The following UBA6 variants were observed in gnomAD, a reference collection of about 807,000 sequenced individuals.
UBA6 encodes the protein ubiquitin like modifier activating enzyme 6.
In UBA6, 87 loss-of-function variants were observed where a neutral mutation model predicts 148.3. The ratio of observed to expected loss-of-function variants is 0.59; its 90% CI spans 0.49 to 0.70. UBA6 has a LOEUF of 0.70. Ranked by LOEUF, UBA6 falls within the 30% of genes least tolerant of loss-of-function variation. The probability of loss-of-function intolerance (pLI) is 0.00; values close to 1 mark genes in which losing one functional copy is unlikely to be tolerated. For missense variants in UBA6, 1,186 were observed against 1,241.2 expected (o/e 0.96, Z 0.67); for synonymous variants, 376 against 401.0 (o/e 0.94, Z 0.75).
rs1033998100 is a variant in UBA6 at position 67,613,570 on chromosome 4, T to C, written c.*5427A>G. ...TAACCAAGATACTCTAAAAGAACAATAAGTTGGGAGGATTTGTTTGGCCAG... is the reference window on the plus strand; with the variant it reads ...TAACCAAGATACTCTAAAAGAACAACAAGTTGGGAGGATTTGTTTGGCCAG... On this transcript the variant is annotated 3_prime_UTR_variant, in exon 33 of 33. Transcript: ENST00000322244. The C allele has an allele frequency of 3.9e-4, 60 of 152,060 alleles. No homozygotes were observed. Among genetic ancestry groups the C allele is most frequent in the African/African-American group, 1.4e-3 (58 of 41,476 alleles). 9.4% of individuals were successfully genotyped at this position (152,060 alleles called of 1,614,324 possible). A position where few individuals can be genotyped will look rare whatever the true frequency, so the allele number is the denominator to read the frequency against.
At chr4:67,638,147 C>A (rs1175813447) in intron 19 of UBA6, 2 of 152,324 alleles carry the variant, frequency 1.3e-5, no homozygotes, top group Non-Finnish European at 2.9e-5. Flanking sequence ...AAGGAAAAGG[C>A]ACAGACAGAA....
rs981558783 is a variant in UBA6 at position 67,678,611 on chromosome 4, C to T, written c.259-78G>A. 8 of 603,164 alleles carry T rather than the reference C, an allele frequency of 1.3e-5. No homozygotes were observed. The South Asian group carries it at 2.2e-4, about 16-fold the overall frequency. The allele number at this position is 603,164 out of a possible 1,614,324, so 37.4% of individuals were successfully genotyped here. On this transcript the variant is annotated intron_variant, in intron 4 of 32. Transcript: ENST00000322244. ...TCTCTCCAGTATTACTGACAATGTA[C>T]TAGAACTATTATTTTGTGTAATTAG...
chr4:67,616,159 A>AT lies in UBA6; in HGVS notation c.*2837dup, dbSNP rs572171511. 14,954 of 270,798 alleles carry AT rather than the reference A, an allele frequency of 0.055. 173 individuals carry two copies. Among genetic ancestry groups the AT allele is most frequent in the African/African-American group, 0.097 (4,347 of 44,726 alleles). 16.8% of individuals were successfully genotyped at this position (270,798 alleles called of 1,614,324 possible). On this transcript the variant is annotated 3_prime_UTR_variant, in exon 33 of 33. Transcript: ENST00000322244. Reference sequence around the variant, plus strand: ...TCTGATCCTCAAGAGCTCAACTCTGATTTTTTTTTTTTCAGAGAAAGCATT... The same window carrying AT: ...TCTGATCCTCAAGAGCTCAACTCTGATTTTTTTTTTTTTCAGAGAAAGCATT...
intron 29 of UBA6, among the ~76,000 whole-genome samples, chr4:67,624,652 C>G (rs920940970): frequency 2.6e-5 from 4 of 151,938 alleles, no homozygotes; most frequent in Non-Finnish European, 5.9e-5. Context: ...CTTAAAGATT[C>G]TGAATCATTA....
intron 2 of UBA6, among the ~76,000 whole-genome samples, chr4:67,686,402 T>A (rs190803797): frequency 6.6e-6 from 1 of 152,298 alleles, no homozygotes; most frequent in East Asian, 1.9e-4. Flanking sequence ...CACTTCATTA[T>A]CTTCATCATG....
intron 17 of UBA6, 79 bp downstream of exon 17, chr4:67,644,619 G>C: frequency 1.2e-6 from 1 of 819,498 alleles, no homozygotes; most frequent in Non-Finnish European, 2.1e-6. Context: ...TGATACTTCA[G>C]ATTTATGCAG....
At chr4:67,698,895 G>C (rs758880474) in intron 1 of UBA6, among the ~76,000 whole-genome samples, 18 of 152,040 alleles carry the variant, frequency 1.2e-4, no homozygotes, top group Non-Finnish European at 2.1e-4. Flanking sequence ...GGGAGGAGGA[G>C]GCTGCAGTGA....
At chr4:67,641,426 C>T (rs1729304045) in intron 17 of UBA6, among the ~76,000 whole-genome samples, 198 bp from the exon 18 acceptor site, 1 of 152,108 alleles carries the variant, frequency 6.6e-6, no homozygotes, top group Non-Finnish European at 1.5e-5. Context: ...TAATGTTTTA[C>T]ATAGGAGCAC....
At chr4:67,671,876 C>T (rs1730157381) in intron 7 of UBA6, among the ~76,000 whole-genome samples, 2 of 152,152 alleles carry the variant, frequency 1.3e-5, no homozygotes, top group Admixed American at 6.5e-5. Context: ...TGTCACTGTG[C>T]ACCTAATTAT....
At chr4:67,685,928 T>C (rs1003817153) in intron 2 of UBA6, among the ~76,000 whole-genome samples, 4 of 152,146 alleles carry the variant, frequency 2.6e-5, no homozygotes, top group African/African-American at 9.7e-5. Context: ...AAGGGAAAGG[T>C]ACTAATTAAG....
At position 67,677,666 on chromosome 4, in the gene UBA6, G is replaced by A; in HGVS notation, c.410C>T (p.Ser137Leu). The A allele has an allele frequency of 6.2e-7, 1 of 1,608,222 alleles. No homozygotes were observed. Among genetic ancestry groups the A allele is most frequent in the Non-Finnish European group, 8.5e-7 (1 of 1,175,652 alleles). ...GGTCTCATTGAAAGGAACAGAAGAT[G>A]ATGTGACATGAACGTATGGATTTAG... ...AELNPYVHVT[S>L]SSVPFNETTD... is the part of the protein sequence containing the mutation. Residue 137 changes from serine (S) to leucine (L), a missense_variant, in exon 6 of 33, where the codon TCA becomes TTA. Transcript: ENST00000322244.
intron 17 of UBA6, among the ~76,000 whole-genome samples, chr4:67,642,832 C>T (rs1452984738): frequency 1.3e-5 from 2 of 151,940 alleles, no homozygotes; most frequent in Non-Finnish European, 2.9e-5. Context: ...TGCTTCTTCT[C>T]CCTTATCTTT....
chr4:67,662,525 T>C (rs1729887306), intron 12 of UBA6: 2 of 305,930 alleles, frequency 6.5e-6, no homozygotes, highest in Non-Finnish European at 1.2e-5. Flanking sequence ...AGTGCAGTGA[T>C]GCAATCTTGG....
intron 29 of UBA6, 105 bp downstream of exon 29, chr4:67,624,889 T>C (rs1728829472): frequency 3.4e-6 from 3 of 887,992 alleles, no homozygotes; most frequent in Non-Finnish European, 5.0e-6. Context: ...CCAATATTTA[T>C]CCTTCCCTCT....
At chr4:67,636,320 T>G (rs573665421) in intron 19 of UBA6, among the ~76,000 whole-genome samples, 23 of 152,140 alleles carry the variant, frequency 1.5e-4, no homozygotes, top group Non-Finnish European at 2.5e-4. Context: ...AGGATTTAAT[T>G]TAGAATTTGG....
Position 67,665,439 on chromosome 4 carries a change from T to C in UBA6, c.794-147A>G, listed in dbSNP as rs1350850279. 2.1e-5 allele frequency: 10 copies of C among 480,314 alleles called. 1 individual carries two copies. The highest frequency in any genetic ancestry group is 3.6e-5 in the Non-Finnish European group (10 of 277,870). The allele number at this position is 480,314 out of a possible 1,614,324, so 29.8% of individuals were successfully genotyped here. On this transcript the variant is annotated intron_variant, in intron 9 of 32. Coordinates refer to ENST00000322244, the MANE Select transcript of UBA6 (RefSeq NM_018227.6). ...TTTTTTTTTGTTTGTTTGTTTTTTTTTTTTTTTAATGAAGAGCTGGGAGGA... is the reference window on the plus strand; with the variant it reads ...TTTTTTTTTGTTTGTTTGTTTTTTTCTTTTTTTAATGAAGAGCTGGGAGGA...
rs34742870 is a variant in UBA6, at chr4:67,626,342, A to G, written c.2518+18T>C. 0.24 allele frequency: 364,847 copies of G among 1,521,464 alleles called. 45,268 individuals carry two copies. The highest frequency in any genetic ancestry group is 0.26 in the Non-Finnish European group (281,292 of 1,098,616). 94.2% of individuals were successfully genotyped at this position (1,521,464 alleles called of 1,614,324 possible). On this transcript the variant is annotated intron_variant, in intron 28 of 32. Coordinates refer to ENST00000322244, the MANE Select transcript of UBA6 (RefSeq NM_018227.6). ...AACTCATCCAGTTCAAAACATTTTT[A>G]TAAAGATTTTCCCTTACTTTTGGTG... is the stretch of plus-strand genomic sequence containing the variant.
At chr4:67,686,151 C>T (rs1378374547) in intron 2 of UBA6, among the ~76,000 whole-genome samples, 1 of 152,164 alleles carries the variant, frequency 6.6e-6, no homozygotes, top group African/African-American at 2.4e-5. Context: ...AAAATTCACC[C>T]TTTTATGAAA....
At chr4:67,672,723 T>A (rs747857550) in intron 7 of UBA6, among the ~76,000 whole-genome samples, 9 of 152,166 alleles carry the variant, frequency 5.9e-5, no homozygotes, top group Admixed American at 2.0e-4. Flanking sequence ...GCCAACCTAA[T>A]TTTTACACTT....
Sources: allele counts gnomAD v4.1 joint callset (sites outside exome capture counted in the v4.1 genomes callset), GRCh38; gene constraint gnomAD v4.1.1; transcripts MANE v1.5; gene names NCBI Gene and HGNC (gene_info 2026-07-23, HGNC 2026-07-21).